Variants in SLC23A3 observed in about 807,000 individuals in gnomAD.
SLC23A3 encodes the protein E2-binding protein 3.
In SLC23A3, 41 loss-of-function variants were observed where a neutral mutation model predicts 64.7. The ratio of observed to expected loss-of-function variants is 0.63; its 90% CI spans 0.49 to 0.82. The LOEUF is 0.82. SLC23A3 is among the 40% of genes least tolerant of loss of function. The pLI is 0.00. For missense variants in SLC23A3, 647 were observed against 733.4 expected (o/e 0.88, Z 1.36); for synonymous variants, 281 against 306.8 (o/e 0.92, Z 0.88).
chr2:219,165,025 C>G, intron 8 of SLC23A3, 144 bp downstream of exon 8: 1 of 1,136,164 alleles, frequency 8.8e-7, no homozygotes, highest in East Asian at 2.6e-5. Context: ...TCTCTTAGCC[C>G]AAAGTCTAAT....
chr2:219,165,481 T>A, intron 7 of SLC23A3, 59 bp from the exon 8 acceptor site: 2 of 1,507,348 alleles, frequency 1.3e-6, no homozygotes, highest in Non-Finnish European at 1.8e-6. Context: ...ACCCCCTGCC[T>A]CCAACAGCCT....
At chr2:219,168,612 C>T (rs1950027821) in intron 5 of SLC23A3, 40 bp downstream of exon 5, 3 of 1,595,934 alleles carry the variant, frequency 1.9e-6, no homozygotes, top group Non-Finnish European at 1.7e-6. Flanking sequence ...CCCATACACC[C>T]CCACTGGGCA....
In SLC23A3 at chr2:219,162,287, G is replaced by T. The variant is rs1949953783; in HGVS notation, c.1537+12C>A. 1.2e-6 allele frequency: 2 copies of T among 1,614,036 alleles called. No individual in the cohort carries two copies. Among genetic ancestry groups the T allele is most frequent in the East Asian group, 4.5e-5 (2 of 44,880 alleles). The stretch of plus-strand genomic sequence containing the variant: ...CCACTCCCCAGTCTGCTAGGGCCTA[G>T]CCTCAACTTACCAGGAATCGTGTTC... On this transcript the variant is annotated intron_variant, in intron 11 of 11. Transcript: ENST00000409878.
chr2:219,163,462 A>G lies in SLC23A3; in HGVS notation c.1367T>C (p.Ile456Thr), dbSNP rs777245093. Reference sequence around the variant, plus strand: ...GGCCATGAAGATGGAGAAGCCCACAATGAAGATATTTCGCCCAGAGTCTAT... The same window carrying G: ...GGCCATGAAGATGGAGAAGCCCACAGTGAAGATATTTCGCCCAGAGTCTAT... ...ADIDSGRNIF[I>T]VGFSIFMALL... The change falls in exon 10 of 12, where the codon ATT (isoleucine) becomes ACT (threonine). Residue 456 changes from isoleucine (I) to threonine (T), a missense_variant. By Grantham distance (89) the Ile-to-Thr change is moderately conservative. Coordinates refer to ENST00000409878, the MANE Select transcript of SLC23A3 (RefSeq NM_001144889.2). 37 of 1,614,086 alleles carry G rather than the reference A, an allele frequency of 2.3e-5. No individual in the cohort carries two copies. The highest frequency in any genetic ancestry group is 5.0e-5 in the Admixed American group (3 of 60,004).
intron 9 of SLC23A3, among the ~76,000 whole-genome samples, chr2:219,163,961 C>G (rs1382804208): frequency 6.6e-6 from 1 of 152,088 alleles, no homozygotes; most frequent in Admixed American, 6.6e-5. Flanking sequence ...CTGGGCCTCC[C>G]AAAGTGCTGG....
Position 219,169,318 on chromosome 2 carries a change from G to C in SLC23A3, c.409C>G (p.Pro137Ala). The change falls in exon 3 of 12, where the codon CCT becomes GCT. Residue 137 changes from proline to alanine, a missense_variant. Coordinates refer to ENST00000409878, the MANE Select transcript of SLC23A3 (RefSeq NM_001144889.2). The surrounding 1 kb of genome is among the most constrained non-coding windows in gnomAD (Gnocchi z 4.5). ...SQKLPRAIQT[P>A]GNSSLMLHLC... ...CTTGCTCTGTGCTCACAGTTTCCAG[G>C]TGTCTGGATGGCCCGGGGTAGCTTC... 1 of 1,614,204 alleles carries C rather than the reference G, an allele frequency of 6.2e-7. No homozygotes were observed. Among genetic ancestry groups the C allele is most frequent in the African/African-American group, 1.3e-5 (1 of 75,046 alleles).
At chr2:219,168,918 G>A (rs148901981) in intron 4 of SLC23A3, 85 bp from the exon 5 acceptor site, 416 of 1,551,108 alleles carry the variant, frequency 2.7e-4, no homozygotes, top group Non-Finnish European at 3.5e-4. Flanking sequence ...TCTAAGTATG[G>A]GTTCCTCCCA....
rs1277956290 is a variant in SLC23A3 at position 219,169,196 on chromosome 2, T to C, written c.419-94A>G. The C allele has an allele frequency of 6.2e-7, 1 of 1,607,534 alleles. No homozygotes were observed. The highest frequency in any genetic ancestry group is 2.2e-5 in the East Asian group (1 of 44,832). The stretch of plus-strand genomic sequence containing the variant: ...ACTCCTGGCACAGGTCCAAGCCCCC[T>C]ATAGTGTCACAGTCTCACCACTGCC... On this transcript the variant is annotated intron_variant, in intron 3 of 11. Transcript: ENST00000409878. This position sits in a 1 kb window ranked among gnomAD's most constrained non-coding sequence, Gnocchi z 4.5.
At chr2:219,165,005 A>T in intron 8 of SLC23A3, 164 bp downstream of exon 8, 1 of 890,348 alleles carries the variant, frequency 1.1e-6, no homozygotes, top group Non-Finnish European at 1.6e-6. Flanking sequence ...TGATTTGTTC[A>T]CTTCCCCACT....
At position 219,169,931 on chromosome 2, in the gene SLC23A3, A is replaced by G; in HGVS notation, c.54T>C (p.Asp18=). 6.2e-7 allele frequency: 1 copy of G among 1,613,972 alleles called. No individual in the cohort carries two copies. The part of the protein sequence containing the change: ...PSQLRSVGSQ[D]ALAPLPPPAP... ...CAGGTGGAGGCAAGGGGGCCAGGGC[A>G]TCCTGGGAGCCCACTGATCGGAGTT... The change falls in exon 1 of 12, where the codon GAT becomes GAC. Residue 18 remains aspartate (D), a synonymous_variant. Coordinates refer to ENST00000409878, the MANE Select transcript of SLC23A3 (RefSeq NM_001144889.2). The surrounding 1 kb of genome is among the most constrained non-coding windows in gnomAD (Gnocchi z 4.5).
rs186277847 is a variant in SLC23A3 at position 219,163,764 on chromosome 2, G to A, written c.1274-209C>T. Among the ~76,000 whole-genome samples the A allele has an allele frequency of 1.6e-3, 247 of 151,684 alleles. 1 individual carries two copies. Among genetic ancestry groups the A allele is most frequent in the African/African-American group, 5.6e-3 (232 of 41,290 alleles). On this transcript the variant is annotated intron_variant, in intron 9 of 11. Transcript: ENST00000409878. ...GCCTGGAGTGCAGTGGTGCAATCTCGGCTCACTGCAACCTCCGCTTCCTAC... is the reference window on the plus strand; with the variant it reads ...GCCTGGAGTGCAGTGGTGCAATCTCAGCTCACTGCAACCTCCGCTTCCTAC...
intron 7 of SLC23A3, 53 bp from the exon 8 acceptor site, chr2:219,165,475 C>G (rs1949996910): frequency 2.6e-6 from 4 of 1,516,504 alleles, no homozygotes; most frequent in Non-Finnish European, 3.5e-6. Flanking sequence ...AGGAGTACCC[C>G]CTGCCTCCAA....
Position 219,169,643 on chromosome 2 carries a change from G to A in SLC23A3, c.198C>T (p.Ser66=). ...VLVMASLLCV[S]HLLLLCSLSP... ...AGAGACTGCAAAGCAGGAGCAGGTG[G>A]GAGACACAGAGCAGAGAAGCCATGA... is the stretch of plus-strand genomic sequence containing the variant. The change falls in exon 2 of 12, where the codon TCC becomes TCT. Residue 66 remains serine, a synonymous_variant. Coordinates refer to ENST00000409878, the MANE Select transcript of SLC23A3 (RefSeq NM_001144889.2). The surrounding 1 kb of genome is among the most constrained non-coding windows in gnomAD (Gnocchi z 4.5). 1 of 1,614,164 alleles carries A rather than the reference G, an allele frequency of 6.2e-7. No homozygotes were observed. Among genetic ancestry groups the A allele is most frequent in the Non-Finnish European group, 8.5e-7 (1 of 1,180,006 alleles).
rs1428675658 is a variant in SLC23A3 at position 219,169,839 on chromosome 2, C to A, written c.146G>T (p.Cys49Phe). The A allele has an allele frequency of 6.2e-7, 1 of 1,608,224 alleles. No individual in the cohort carries two copies. The highest frequency in any genetic ancestry group is 8.5e-7 in the Non-Finnish European group (1 of 1,177,772). Reference sequence around the variant, plus strand: ...GCCTCCTACCTGCAGAGCCAGAAGACAGCTGAGGCCCCAAGGCAGAGATCC... The same window carrying A: ...GCCTCCTACCTGCAGAGCCAGAAGAAAGCTGAGGCCCCAAGGCAGAGATCC... ...LCGSLPWGLS[C>F]LLALQHVLVM... The change falls in exon 1 of 12, where the codon TGT becomes TTT. Residue 49 changes from cysteine (C) to phenylalanine (F), a missense_variant. Transcript: ENST00000409878. This position sits in a 1 kb window ranked among gnomAD's most constrained non-coding sequence, Gnocchi z 4.5.
At chr2:219,165,062 T>C in intron 8 of SLC23A3, 107 bp downstream of exon 8, 1 of 1,393,276 alleles carries the variant, frequency 7.2e-7, no homozygotes, top group Non-Finnish European at 9.7e-7. Context: ...AGTAAGATAG[T>C]TGATGTGAGG....
In SLC23A3 at chr2:219,165,389, G is replaced by A. The variant is rs1452140840; in HGVS notation, c.947C>T (p.Ala316Val). Residue 316 changes from alanine to valine, a missense_variant, in exon 8 of 12, where the codon GCT becomes GTT. Transcript: ENST00000409878. ...EWNWPLLTPR[A>V]LAAGISMALA... ...GGCCATGGAGATGCCTGCAGCCAGA[G>A]CTCTGGGCGTCAGCAAAGGCCAATT... 2.6e-6 allele frequency: 4 copies of A among 1,550,896 alleles called. No individual in the cohort carries two copies. In the African/African-American group the frequency reaches 4.1e-5, roughly 16 times the overall value.
At chr2:219,164,632 T>C in intron 8 of SLC23A3, 1 of 296,324 alleles carries the variant, frequency 3.4e-6, no homozygotes, top group Non-Finnish European at 6.3e-6. Flanking sequence ...CGGTCTCGGC[T>C]CACAGCAACC....
chr2:219,165,138 C>T (rs995010250), intron 8 of SLC23A3, 31 bp downstream of exon 8: 4 of 1,550,048 alleles, frequency 2.6e-6, no homozygotes, highest in Admixed American at 2.0e-5. Flanking sequence ...CTAGCTCCAT[C>T]CTACCCCACT....
At position 219,164,284 on chromosome 2, in the gene SLC23A3, G is replaced by A. The variant is rs1037815339; in HGVS notation, c.1222C>T (p.Leu408Phe). The A allele has an allele frequency of 6.2e-7, 1 of 1,610,284 alleles. No homozygotes were observed. The highest frequency in any genetic ancestry group is 1.3e-5 in the African/African-American group (1 of 74,938). The change falls in exon 9 of 12, where the codon CTC becomes TTC. Residue 408 changes from leucine to phenylalanine, a missense_variant. Transcript: ENST00000409878. ...AGGAGCTGAGCCAACCTGGGGGAGA[G>A]TCCAAGCCCCACGCAGAGTAGCCCC... ...LVGLLCVGLG[L>F]SPRLAQLLTT...
Sources: gnomAD v4.1 joint callset for allele counts (sites outside exome capture counted in the v4.1 genomes callset) on GRCh38, gnomAD v4.1.1 for gene constraint, Gnocchi (gnomAD v3.1) non-coding constraint, MANE v1.5 for transcripts, NCBI Gene and HGNC (gene_info 2026-07-23, HGNC 2026-07-21) for gene names.